The following DLGAP1 variants were observed in gnomAD, a reference collection of about 807,000 sequenced individuals.
DLGAP1 encodes the protein disks large-associated protein 1.
Under a neutral mutation model 90.8 loss-of-function variants are expected in DLGAP1, and 11 were observed. That is an observed-to-expected ratio of 0.12 (90% CI 0.08 to 0.20). The LOEUF (loss-of-function observed/expected upper bound fraction) is 0.20. Among genes scored for constraint, DLGAP1 ranks in the 10% least tolerant of loss-of-function variants. The pLI is 1.00. For missense variants in DLGAP1, 1,050 were observed against 1,333.8 expected (o/e 0.79, Z 3.31); for synonymous variants, 558 against 540.7 (o/e 1.03, Z -0.44).
At chr18:3,674,368 C>T (rs952169430) in intron 7 of DLGAP1, among the ~76,000 whole-genome samples, 11 of 150,216 alleles carry the variant, frequency 7.3e-5, no homozygotes, top group Non-Finnish European at 1.5e-5. Context: ...CCTATAATTC[C>T]AGCACTTTGG....
chr18:3,806,595 G>A (rs994005142), intron 5 of DLGAP1, among the ~76,000 whole-genome samples: 3 of 152,174 alleles, frequency 2.0e-5, no homozygotes, highest in Non-Finnish European at 4.4e-5. Context: ...TTGTAATTAG[G>A]GTGTTCTCTT....
At position 3,526,552 on chromosome 18, in the gene DLGAP1, G is replaced by A. The variant is rs879308140; in HGVS notation, c.2479+7642C>T. Among the ~76,000 whole-genome samples, 4 of 152,206 alleles carry A rather than the reference G, an allele frequency of 2.6e-5. No individual in the cohort carries two copies. The highest frequency in any genetic ancestry group is 7.2e-5 in the African/African-American group (3 of 41,450). On this transcript the variant is annotated intron_variant, in intron 10 of 12. Coordinates refer to ENST00000315677, the MANE Select transcript of DLGAP1 (RefSeq NM_004746.4). The surrounding 1 kb of genome is among the most constrained non-coding windows in gnomAD (Gnocchi z 4.7). ...AAAGTGGAAGAATTAATCTGCCTCC[G>A]GCACATGCTCTAGGTTTATCAGTTT...
intron 8 of DLGAP1, among the ~76,000 whole-genome samples, chr18:3,570,226 G>C (rs966220874): frequency 1.3e-5 from 2 of 151,622 alleles, no homozygotes; most frequent in Admixed American, 1.3e-4. Context: ...ATAAAGACCT[G>C]TTTCTGGCCT....
chr18:3,801,156 G>A (rs943630267), intron 5 of DLGAP1, among the ~76,000 whole-genome samples: 7 of 152,010 alleles, frequency 4.6e-5, no homozygotes, highest in African/African-American at 1.4e-4. Context: ...TGATGAGGAC[G>A]GCACCAAGCC....
intron 1 of DLGAP1, among the ~76,000 whole-genome samples, chr18:4,203,932 T>G (rs551435858): frequency 6.6e-6 from 1 of 152,240 alleles, no homozygotes; most frequent in Non-Finnish European, 1.5e-5. Context: ...ACTGAATTAA[T>G]GCTTCAGCTG....
rs535883339 is a variant in DLGAP1, at chr18:4,087,304, G to A, written c.-159+63876C>T. Among the ~76,000 whole-genome samples, 106 of 152,016 alleles carry A rather than the reference G, an allele frequency of 7.0e-4. 3 individuals are homozygous for A. In the South Asian group the frequency reaches 0.017, roughly 25 times the overall value. On this transcript the variant is annotated intron_variant, in intron 2 of 12. Transcript: ENST00000315677. ...CAAAATCTCTGCAGCACTGTGACAT[G>A]CTTATGATGGCCTTGATGCCCACAA... is the stretch of plus-strand genomic sequence containing the variant.
intron 3 of DLGAP1, among the ~76,000 whole-genome samples, chr18:3,894,468 A>G (rs1383418929): frequency 6.6e-6 from 1 of 152,198 alleles, no homozygotes; most frequent in African/African-American, 2.4e-5. Flanking sequence ...GGAATAGGGT[A>G]TCCTTTCCCC....
At chr18:3,618,044 A>C (rs1433346035) in intron 7 of DLGAP1, among the ~76,000 whole-genome samples, 1 of 150,880 alleles carries the variant, frequency 6.6e-6, no homozygotes, top group Non-Finnish European at 1.5e-5. Context: ...TCTCAAAAGA[A>C]AGAAAGAAAG....
intron 1 of DLGAP1, among the ~76,000 whole-genome samples, chr18:4,187,438 G>A (rs1196394166): frequency 6.6e-6 from 1 of 152,052 alleles, no homozygotes; most frequent in African/African-American, 2.4e-5. Flanking sequence ...TCTTTGAAGT[G>A]TCTTAATATT....
At chr18:4,151,649 C>T (rs549775329) in intron 1 of DLGAP1, among the ~76,000 whole-genome samples, 4 of 152,194 alleles carry the variant, frequency 2.6e-5, no homozygotes, top group South Asian at 2.1e-4. Flanking sequence ...ACTTCCTGAG[C>T]GTTATTTGTT....
chr18:4,273,405 T>C (rs1568484540), intron 1 of DLGAP1, among the ~76,000 whole-genome samples: 1 of 152,188 alleles, frequency 6.6e-6, no homozygotes, highest in Non-Finnish European at 1.5e-5. Context: ...CCACCAGGTA[T>C]TACTGATGAT....
Position 4,183,870 on chromosome 18 carries a change from C to T in DLGAP1, c.-266-32583G>A, listed in dbSNP as rs148812930. Among the ~76,000 whole-genome samples the T allele has an allele frequency of 3.1e-3, 479 of 152,182 alleles. 2 individuals carry two copies. The highest frequency in any genetic ancestry group is 0.011 in the African/African-American group (457 of 41,542). On this transcript the variant is annotated intron_variant, in intron 1 of 12. Transcript: ENST00000315677. ...TTCACATCAAATATGGCCTAAGTAG[C>T]CTTTTCATTTTATTTTTCCAGAAAG...
At chr18:3,671,999 CA>C (rs1378264394) in intron 7 of DLGAP1, among the ~76,000 whole-genome samples, 1 of 151,908 alleles carries the variant, frequency 6.6e-6, no homozygotes, top group Non-Finnish European at 1.5e-5. Flanking sequence ...TTTTTCTTTA[CA>C]ATTTTCTGCA....
chr18:4,237,650 C>T (rs2145104094), intron 1 of DLGAP1, among the ~76,000 whole-genome samples: 1 of 150,804 alleles, frequency 6.6e-6, no homozygotes, highest in South Asian at 2.1e-4. Flanking sequence ...GAGTTAGTTT[C>T]TTTTTTCAGC....
intron 1 of DLGAP1, among the ~76,000 whole-genome samples, chr18:4,413,865 T>G (rs931231869): frequency 6.6e-6 from 1 of 152,208 alleles, no homozygotes; most frequent in Non-Finnish European, 1.5e-5. Flanking sequence ...TGGCCACACT[T>G]TATTTATATA....
At chr18:4,171,004 T>G (rs1423905074) in intron 1 of DLGAP1, among the ~76,000 whole-genome samples, 1 of 152,184 alleles carries the variant, frequency 6.6e-6, no homozygotes, top group Non-Finnish European at 1.5e-5. Context: ...TGCATGAGTA[T>G]ATGCGCTCAT....
At chr18:4,286,211 G>C (rs1568491216) in intron 1 of DLGAP1, among the ~76,000 whole-genome samples, 1 of 152,140 alleles carries the variant, frequency 6.6e-6, no homozygotes, top group East Asian at 1.9e-4. Context: ...TTATATGGTA[G>C]AGGAGAGATG....
At chr18:3,533,999 T>G (rs1349500584) in intron 10 of DLGAP1, among the ~76,000 whole-genome samples, 195 bp downstream of exon 10, 1 of 151,170 alleles carries the variant, frequency 6.6e-6, no homozygotes, top group African/African-American at 2.4e-5. Context: ...TACCCAGGAG[T>G]TTTCTTGGTT....
intron 3 of DLGAP1, among the ~76,000 whole-genome samples, chr18:3,947,498 G>T (rs923578570): frequency 1.1e-4 from 17 of 152,248 alleles, no homozygotes; most frequent in African/African-American, 4.1e-4. Flanking sequence ...TGCACTCTGG[G>T]CATCAACCAC....
Sources: allele counts gnomAD v4.1 joint callset (sites outside exome capture counted in the v4.1 genomes callset), GRCh38; gene constraint gnomAD v4.1.1; non-coding constraint Gnocchi (gnomAD v3.1); transcripts MANE v1.5; gene names NCBI Gene and HGNC (gene_info 2026-07-23, HGNC 2026-07-21).